SCAND3: variants seen among roughly 807,000 people sequenced by gnomAD.
SCAND3 encodes the protein SCAN domain-containing protein 3.
At chr6:28,579,360 A>G in the SCAND3 span, 1 of 1,614,090 alleles carries the variant, frequency 6.2e-7, no homozygotes, top group Non-Finnish European at 8.5e-7. This position sits in a 1 kb window ranked among gnomAD's most constrained non-coding sequence, Gnocchi z 4.5. Flanking sequence ...ACTCCTTTGC[A>G]GAATCCAGAG....
the SCAND3 span, chr6:28,616,182 C>G: frequency 2.0e-5 from 3 of 152,318 alleles, no homozygotes. This position sits in a 1 kb window ranked among gnomAD's most constrained non-coding sequence, Gnocchi z 4.3. Flanking sequence ...TACCGTTCTA[C>G]TCGTCCTCAT....
the SCAND3 span, chr6:28,575,992 C>CT: frequency 6.2e-7 from 1 of 1,613,704 alleles, no homozygotes; most frequent in Non-Finnish European, 8.5e-7. This position sits in a 1 kb window ranked among gnomAD's most constrained non-coding sequence, Gnocchi z 4.2. Context: ...AGTATTATTA[C>CT]TTTTGTTTTC....
chr6:28,603,440 T>C, the SCAND3 span, among the ~76,000 whole-genome samples: 1 of 152,220 alleles, frequency 6.6e-6, no homozygotes, highest in African/African-American at 2.4e-5. Context: ...TGCAGAAATC[T>C]ATACATTCTC....
At chr6:28,579,332 G>A in the SCAND3 span, 1 of 1,614,018 alleles carries the variant, frequency 6.2e-7, no homozygotes. This position sits in a 1 kb window ranked among gnomAD's most constrained non-coding sequence, Gnocchi z 4.5. Context: ...TCCATAGACT[G>A]AAGCTGGGTG....
the SCAND3 span, among the ~76,000 whole-genome samples, chr6:28,580,030 C>A: frequency 6.6e-6 from 1 of 152,300 alleles, no homozygotes; most frequent in African/African-American, 2.4e-5. Flanking sequence ...CCAGAATATT[C>A]TAAAAGGGAA....
the SCAND3 span, among the ~76,000 whole-genome samples, chr6:28,615,751 T>C: frequency 6.6e-6 from 1 of 152,196 alleles, no homozygotes; most frequent in South Asian, 2.1e-4. Flanking sequence ...AGGACCTTCT[T>C]CTCGTCCTTC....
At chr6:28,576,643 G>C in the SCAND3 span, among the ~76,000 whole-genome samples, 2 of 152,130 alleles carry the variant, frequency 1.3e-5, no homozygotes, top group South Asian at 4.1e-4. Context: ...ATAACAAAAA[G>C]TTTCAAACAA....
chr6:28,609,478 T>C, the SCAND3 span, among the ~76,000 whole-genome samples: 2 of 152,230 alleles, frequency 1.3e-5, no homozygotes, highest in African/African-American at 2.4e-5. Context: ...AGGATAAACA[T>C]ATAGTTGATG....
the SCAND3 span, chr6:28,579,556 T>A: frequency 1.3e-6 from 1 of 789,944 alleles, no homozygotes; most frequent in Non-Finnish European, 2.0e-6. This position sits in a 1 kb window ranked among gnomAD's most constrained non-coding sequence, Gnocchi z 4.5. Flanking sequence ...AGATAAAACA[T>A]GAAGAGAAAT....
the SCAND3 span, among the ~76,000 whole-genome samples, chr6:28,610,689 G>C: frequency 6.6e-6 from 1 of 152,144 alleles, no homozygotes; most frequent in South Asian, 2.1e-4. Context: ...ATGGGATTGA[G>C]ATTCTACAGT....
chr6:28,611,843 G>A, the SCAND3 span, among the ~76,000 whole-genome samples: 1 of 152,210 alleles, frequency 6.6e-6, no homozygotes, highest in Non-Finnish European at 1.5e-5. Flanking sequence ...TACAGTAGCA[G>A]TGAATAAATG....
chr6:28,573,378 G>A, the SCAND3 span: 2 of 1,614,090 alleles, frequency 1.2e-6, no homozygotes, highest in Non-Finnish European at 1.7e-6. Context: ...CAGCAATTGT[G>A]TATGGTGTTT....
the SCAND3 span, among the ~76,000 whole-genome samples, chr6:28,607,146 G>T: frequency 1.3e-5 from 2 of 152,196 alleles, no homozygotes; most frequent in Non-Finnish European, 2.9e-5. Context: ...AAAGCAACCT[G>T]TCTGTGGTTG....
chr6:28,576,110 A>T, the SCAND3 span: 4 of 1,579,354 alleles, frequency 2.5e-6, no homozygotes, highest in Non-Finnish European at 3.4e-6. Context: ...ATGCTTTGAG[A>T]CATCATGGAA....
the SCAND3 span, among the ~76,000 whole-genome samples, chr6:28,613,269 A>C: frequency 6.6e-6 from 1 of 152,196 alleles, no homozygotes; most frequent in Non-Finnish European, 1.5e-5. Flanking sequence ...GAACAAGTAG[A>C]GAGCACACTG....
At chr6:28,604,634 T>C in the SCAND3 span, among the ~76,000 whole-genome samples, 17 of 151,322 alleles carry the variant, frequency 1.1e-4, no homozygotes, top group Non-Finnish European at 2.4e-4. Flanking sequence ...AAAAAAAAAA[T>C]TTAACTATTA....
At chr6:28,605,783 T>A in the SCAND3 span, among the ~76,000 whole-genome samples, 2 of 150,728 alleles carry the variant, frequency 1.3e-5, no homozygotes, top group East Asian at 3.9e-4. Flanking sequence ...GAGGCGGAGG[T>A]TGCAGTGAGC....
chr6:28,604,560 G>A, the SCAND3 span, among the ~76,000 whole-genome samples: 5 of 150,662 alleles, frequency 3.3e-5, no homozygotes, highest in Admixed American at 1.3e-4. Context: ...AGGTTGCAGC[G>A]AGTCGAGATC....
the SCAND3 span, chr6:28,573,963 T>A: frequency 8.7e-7 from 1 of 1,145,422 alleles, no homozygotes. Flanking sequence ...AATAAATAAA[T>A]GCCTATATTT....
Sources: allele counts gnomAD v4.1 joint callset (sites outside exome capture counted in the v4.1 genomes callset), GRCh38; gene constraint gnomAD v4.1.1; non-coding constraint Gnocchi (gnomAD v3.1); transcripts MANE v1.5; gene names NCBI Gene and HGNC (gene_info 2026-07-23, HGNC 2026-07-21).